The following SCMH1 variants were observed in gnomAD, a reference collection of about 807,000 sequenced individuals.
SCMH1 encodes polycomb protein SCMH1.
In SCMH1, 37 loss-of-function variants were observed where a neutral mutation model predicts 70.8. The ratio of observed to expected loss-of-function variants is 0.52; its 90% CI spans 0.40 to 0.69. The LOEUF (loss-of-function observed/expected upper bound fraction) is 0.69. SCMH1 is among the 30% of genes least tolerant of loss of function. The pLI, the probability that SCMH1 is intolerant of heterozygous loss-of-function variation, is 0.00. For synonymous variants in SCMH1, 292 were observed against 307.4 expected (o/e 0.95, Z 0.52); for missense variants, 607 against 827.3 (o/e 0.73, Z 3.27).
chr1:41,162,195 G>C (rs1646092243), intron 2 of SCMH1, among the ~76,000 whole-genome samples: 1 of 152,166 alleles, frequency 6.6e-6, no homozygotes, highest in East Asian at 1.9e-4. Flanking sequence ...GTCCAGCCAG[G>C]ACCCCTCTTC....
intron 8 of SCMH1, among the ~76,000 whole-genome samples, chr1:41,112,575 CAT>C (rs1669512255): frequency 6.6e-6 from 1 of 151,822 alleles, no homozygotes; most frequent in African/African-American, 2.4e-5. Context: ...TTGTAATAAT[CAT>C]ATAGTATAAT....
intron 1 of SCMH1, among the ~76,000 whole-genome samples, chr1:41,195,903 A>T (rs1449943393): frequency 1.3e-5 from 2 of 152,202 alleles, no homozygotes; most frequent in Non-Finnish European, 1.5e-5. Context: ...GTTTAGTTGC[A>T]TTTCTATATG....
At chr1:41,212,626 T>C (rs1267791824) in intron 1 of SCMH1, among the ~76,000 whole-genome samples, 1 of 152,134 alleles carries the variant, frequency 6.6e-6, no homozygotes, top group Non-Finnish European at 1.5e-5. Context: ...TCCTTAGCCA[T>C]ACTAAATAGT....
intron 8 of SCMH1, among the ~76,000 whole-genome samples, chr1:41,107,305 C>T (rs1572183315): frequency 6.6e-6 from 1 of 151,814 alleles, no homozygotes. Flanking sequence ...CTTTATTGGT[C>T]TATATGTTCA....
At chr1:41,130,748 A>G (rs971462838) in intron 6 of SCMH1, among the ~76,000 whole-genome samples, 2 of 152,144 alleles carry the variant, frequency 1.3e-5, no homozygotes, top group African/African-American at 2.4e-5. Context: ...AAATATTTTC[A>G]TCACTCCTCC....
At chr1:41,035,931 CAGA>C (rs1645236902) in intron 13 of SCMH1, among the ~76,000 whole-genome samples, 1 of 152,062 alleles carries the variant, frequency 6.6e-6, no homozygotes, top group Admixed American at 6.6e-5. Context: ...CCTTTTTTGC[CAGA>C]ACTTTGTTAT....
At chr1:41,159,627 G>A in intron 4 of SCMH1, 2 of 1,333,078 alleles carry the variant, frequency 1.5e-6, no homozygotes, top group African/African-American at 1.5e-5. Flanking sequence ...CTATGTCCAT[G>A]TTTTTTCTAC....
chr1:41,157,780 G>A (rs1306465915), intron 4 of SCMH1, among the ~76,000 whole-genome samples: 1 of 152,180 alleles, frequency 6.6e-6, no homozygotes, highest in African/African-American at 2.4e-5. Context: ...CTGTCAGAAG[G>A]CTTTGCAGAA....
intron 8 of SCMH1, among the ~76,000 whole-genome samples, chr1:41,081,488 A>C (rs1660003109): frequency 1.3e-5 from 2 of 152,256 alleles, no homozygotes; most frequent in Non-Finnish European, 2.9e-5. Flanking sequence ...TGCATCATCA[A>C]ATAGCAAGAT....
At chr1:41,176,709 G>A (rs1360393928) in intron 2 of SCMH1, among the ~76,000 whole-genome samples, 7 of 152,186 alleles carry the variant, frequency 4.6e-5, no homozygotes, top group South Asian at 2.1e-4. Context: ...GGGGAGGGGC[G>A]CCCGCCATTG....
At chr1:41,227,738 T>C (rs1196705215) in intron 1 of SCMH1, among the ~76,000 whole-genome samples, 1 of 152,088 alleles carries the variant, frequency 6.6e-6, no homozygotes, top group African/African-American at 2.4e-5. Flanking sequence ...TCCTAGCACT[T>C]TGGGAAGCCG....
At chr1:41,114,834 A>G (rs967457500) in intron 7 of SCMH1, among the ~76,000 whole-genome samples, 1 of 151,722 alleles carries the variant, frequency 6.6e-6, no homozygotes, top group South Asian at 2.1e-4. Flanking sequence ...ACACCACCAC[A>G]CTCTGCTAAT....
intron 2 of SCMH1, among the ~76,000 whole-genome samples, chr1:41,165,398 T>C (rs532396998): frequency 6.6e-6 from 1 of 152,254 alleles, no homozygotes; most frequent in African/African-American, 2.4e-5. Flanking sequence ...TTTGGGGATA[T>C]AGCCAGTAGT....
chr1:41,057,248 T>G (rs773593510), intron 10 of SCMH1, among the ~76,000 whole-genome samples: 7 of 152,026 alleles, frequency 4.6e-5, no homozygotes, highest in Non-Finnish European at 7.4e-5. Flanking sequence ...CCATGTTTTT[T>G]TTGTTGTTGT....
chr1:41,135,735 CACTT>C (rs1456914110), intron 6 of SCMH1, among the ~76,000 whole-genome samples: 1 of 152,154 alleles, frequency 6.6e-6, no homozygotes, highest in African/African-American at 2.4e-5. Context: ...AGTGCTTACT[CACTT>C]GCTGTATGTG....
chr1:41,090,507 G>T, intron 8 of SCMH1, among the ~76,000 whole-genome samples: 1 of 151,398 alleles, frequency 6.6e-6, no homozygotes. Flanking sequence ...TCAGGTAATT[G>T]TGGATATTCT....
At chr1:41,072,652 A>G (rs1656932712) in intron 9 of SCMH1, among the ~76,000 whole-genome samples, 1 of 152,204 alleles carries the variant, frequency 6.6e-6, no homozygotes, top group Non-Finnish European at 1.5e-5. Context: ...GCTTGGGCCC[A>G]GGAGTTTGAG....
At chr1:41,213,063 T>C (rs1657377673) in intron 1 of SCMH1, among the ~76,000 whole-genome samples, 1 of 152,108 alleles carries the variant, frequency 6.6e-6, no homozygotes, top group African/African-American at 2.4e-5. Flanking sequence ...ATAGTACAGA[T>C]AGATCCAAAT....
At chr1:41,132,068 T>A (rs1038402094) in intron 6 of SCMH1, among the ~76,000 whole-genome samples, 2 of 152,240 alleles carry the variant, frequency 1.3e-5, no homozygotes, top group Non-Finnish European at 2.9e-5. Context: ...TACCCAGTAA[T>A]GGGATCACTG....
Sources: allele counts gnomAD v4.1 joint callset (sites outside exome capture counted in the v4.1 genomes callset), GRCh38; gene constraint gnomAD v4.1.1; transcripts MANE v1.5; gene names NCBI Gene and HGNC (gene_info 2026-07-23, HGNC 2026-07-21).